The following GRID2 variants were observed in gnomAD, a reference collection of about 807,000 sequenced individuals.
The protein encoded by GRID2 is glutamate ionotropic receptor delta type subunit 2, also known as glutamate receptor ionotropic, delta-2.
GRID2 carries 33 observed loss-of-function variants against 114.8 expected under a neutral mutation model. That is an observed-to-expected ratio of 0.29 (90% CI 0.22 to 0.38). The LOEUF is 0.38. Ranked by LOEUF, GRID2 falls within the 10% of genes least tolerant of loss-of-function variation. The pLI is 1.00. For missense variants in GRID2, 1,184 were observed against 1,257.7 expected (o/e 0.94, Z 0.89); for synonymous variants, 505 against 449.9 (o/e 1.12, Z -1.55).
chr4:93,806,064 T>TC (rs1208860349), intron 1 of GRID2, among the ~76,000 whole-genome samples: 5 of 151,698 alleles, frequency 3.3e-5, no homozygotes, highest in African/African-American at 1.2e-4. Flanking sequence ...GCCACAGCAC[T>TC]CCCGCCTGGG....
chr4:92,853,563 C>CT (rs1743976197), intron 2 of GRID2, among the ~76,000 whole-genome samples: 1 of 151,764 alleles, frequency 6.6e-6, no homozygotes, highest in Non-Finnish European at 1.5e-5. Context: ...ACATGACTTC[C>CT]TTTTTTTATT....
At chr4:93,683,681 C>A (rs1405293023) in intron 14 of GRID2, among the ~76,000 whole-genome samples, 1 of 152,064 alleles carries the variant, frequency 6.6e-6, no homozygotes, top group African/African-American at 2.4e-5. Context: ...AGTTTTGTTA[C>A]AGTTCTCTTC....
At chr4:92,383,060 A>AAG (rs1729698256) in intron 1 of GRID2, among the ~76,000 whole-genome samples, 1 of 151,876 alleles carries the variant, frequency 6.6e-6, no homozygotes, top group Non-Finnish European at 1.5e-5. Flanking sequence ...GAACATGAGG[A>AAG]AGAGAGAGAG....
At chr4:93,717,667 G>A (rs766973119) in intron 14 of GRID2, among the ~76,000 whole-genome samples, 22 of 152,068 alleles carry the variant, frequency 1.4e-4, no homozygotes, top group Non-Finnish European at 2.6e-4. Flanking sequence ...ATTATATGCT[G>A]TATATGGCTT....
At chr4:93,202,979 G>C (rs561027787) in intron 4 of GRID2, among the ~76,000 whole-genome samples, 3 of 152,018 alleles carry the variant, frequency 2.0e-5, no homozygotes, top group Non-Finnish European at 4.4e-5. Flanking sequence ...TTTTGTGTGT[G>C]TGTGTATGTG....
chr4:92,769,309 T>C (rs1213180638), intron 2 of GRID2, among the ~76,000 whole-genome samples: 4 of 152,214 alleles, frequency 2.6e-5, no homozygotes, highest in African/African-American at 9.6e-5. Flanking sequence ...TAGGTAGCTT[T>C]GCCCCTGTAG....
chr4:92,424,478 A>G (rs939539901), intron 1 of GRID2, among the ~76,000 whole-genome samples: 2 of 152,028 alleles, frequency 1.3e-5, no homozygotes, highest in Non-Finnish European at 2.9e-5. Flanking sequence ...GGAGTGAGAA[A>G]TATTTTGGTA....
chr4:93,358,385 A>T (rs1761547952), intron 8 of GRID2, among the ~76,000 whole-genome samples: 1 of 151,950 alleles, frequency 6.6e-6, no homozygotes, highest in African/African-American at 2.4e-5. Context: ...AAGAAATTGT[A>T]CTTCTGTTTT....
At chr4:93,429,536 A>T (rs988201441) in intron 10 of GRID2, among the ~76,000 whole-genome samples, 1 of 152,190 alleles carries the variant, frequency 6.6e-6, no homozygotes, top group Non-Finnish European at 1.5e-5. Flanking sequence ...CTGTTCCTTC[A>T]GCCTAATTTT....
intron 2 of GRID2, among the ~76,000 whole-genome samples, chr4:92,868,204 T>C (rs927792692): frequency 1.6e-4 from 24 of 152,104 alleles, no homozygotes; most frequent in Admixed American, 1.6e-3. Flanking sequence ...CAATCCACAA[T>C]GTGCTAGTTC....
At chr4:93,098,284 C>G in intron 3 of GRID2, among the ~76,000 whole-genome samples, 1 of 151,936 alleles carries the variant, frequency 6.6e-6, no homozygotes, top group East Asian at 1.9e-4. Context: ...GCTTAACATG[C>G]TAGTCATGAT....
intron 2 of GRID2, among the ~76,000 whole-genome samples, chr4:92,616,709 G>A (rs62307897): frequency 0.055 from 8,398 of 151,444 alleles, 290 homozygotes; most frequent in East Asian, 0.16. Flanking sequence ...TCCTGTATTT[G>A]TTGACTACAG....
intron 4 of GRID2, among the ~76,000 whole-genome samples, chr4:93,141,699 T>C (rs1246330285): frequency 6.6e-6 from 1 of 152,246 alleles, no homozygotes; most frequent in Non-Finnish European, 1.5e-5. Context: ...AATACATTTT[T>C]ACCTGACACT....
chr4:92,374,845 A>T (rs1729280956), intron 1 of GRID2, among the ~76,000 whole-genome samples: 1 of 152,048 alleles, frequency 6.6e-6, no homozygotes, highest in Admixed American at 6.6e-5. Flanking sequence ...AAAAGGTTAA[A>T]TATAAAGTAG....
rs150358464 is a variant in GRID2 at position 93,566,459 on chromosome 4, C to T, written c.2193+51048C>T. Among the ~76,000 whole-genome samples, 860 of 152,180 alleles carry T rather than the reference C, an allele frequency of 5.7e-3. 4 individuals are homozygous for T. The highest frequency in any genetic ancestry group is 9.5e-3 in the Non-Finnish European group (644 of 68,002). On this transcript the variant is annotated intron_variant, in intron 13 of 15. Coordinates refer to ENST00000282020, the MANE Select transcript of GRID2 (RefSeq NM_001510.4). The stretch of plus-strand genomic sequence containing the variant: ...ATGGTCATGATTATATGATTATATA[C>T]ACTTTTCAAAACTCATCAAGTTGAG...
intron 14 of GRID2, among the ~76,000 whole-genome samples, chr4:93,698,020 C>T (rs561047729): frequency 1.8e-3 from 278 of 151,586 alleles, no homozygotes; most frequent in African/African-American, 5.1e-3. Context: ...TAAAAGTTTA[C>T]GGGATATTTT....
At chr4:92,546,334 TC>T (rs1726258106) in intron 1 of GRID2, among the ~76,000 whole-genome samples, 1 of 152,180 alleles carries the variant, frequency 6.6e-6, no homozygotes. Context: ...AGATTATTTT[TC>T]GTTATCACAC....
rs577425892 is a variant in GRID2, at chr4:92,838,460, G to A, written c.245-246535G>A. On this transcript the variant is annotated intron_variant, in intron 2 of 15. Transcript: ENST00000282020. ...ATGCAAGTTCTCTGTACTATATACAGTATTCCTAGCTTTTAGCAAATCAAA... is the reference window on the plus strand; with the variant it reads ...ATGCAAGTTCTCTGTACTATATACAATATTCCTAGCTTTTAGCAAATCAAA... Among the ~76,000 whole-genome samples the A allele has an allele frequency of 5.3e-5, 8 of 152,138 alleles. No individual in the cohort carries two copies. In the East Asian group the frequency reaches 1.5e-3, roughly 29 times the overall value.
intron 14 of GRID2, among the ~76,000 whole-genome samples, chr4:93,725,769 C>T (rs1380808259): frequency 1.3e-5 from 2 of 152,110 alleles, no homozygotes; most frequent in Admixed American, 1.3e-4. Flanking sequence ...CTTTTGACTG[C>T]ATAAATGTCT....
Sources: allele counts gnomAD v4.1 joint callset (sites outside exome capture counted in the v4.1 genomes callset), GRCh38; gene constraint gnomAD v4.1.1; transcripts MANE v1.5; gene names NCBI Gene and HGNC (gene_info 2026-07-23, HGNC 2026-07-21).